Variants in CNTLN observed in about 807,000 individuals in gnomAD.
CNTLN encodes centlein.
In CNTLN, 212 loss-of-function variants were observed where a neutral mutation model predicts 180.0. The ratio of observed to expected loss-of-function variants is 1.18; its 90% confidence interval spans 1.05 to 1.32. CNTLN has a LOEUF of 1.32. Among genes scored for constraint, CNTLN ranks in the 40% most tolerant of loss-of-function variants. The probability of loss-of-function intolerance (pLI) is 0.00; values close to 1 mark genes in which losing one functional copy is unlikely to be tolerated. For synonymous variants in CNTLN, 722 were observed against 563.1 expected (o/e 1.28, Z -3.99); for missense variants, 2,095 against 1,610.9 (o/e 1.30, Z -5.14).
chr9:17,486,994 T>G lies in CNTLN; in HGVS notation c.4047T>G (p.Ile1349Met), dbSNP rs62639687. The G allele has an allele frequency of 9.9e-3, 15,628 of 1,573,570 alleles. 930 individuals are homozygous for G. In the African/African-American group the frequency reaches 0.16, roughly 16 times the overall value. Residue 1349 changes from isoleucine (I) to methionine (M), a missense_variant, in exon 25 of 26, where the codon ATT becomes ATG. Ile to Met is a conservative substitution (Grantham distance 10). Coordinates refer to ENST00000380647, the MANE Select transcript of CNTLN (RefSeq NM_017738.4). ...EILDTEDQVE[I>M]EKTKIDAEND... ...TTTTTATTTTTTTTCTTCAGGAAAT[T>G]GAAAAAACAAAAATTGATGCTGAAA... is the stretch of plus-strand genomic sequence containing the variant.
chr9:17,496,642 C>T (rs1413193934), intron 25 of CNTLN, among the ~76,000 whole-genome samples: 4 of 152,168 alleles, frequency 2.6e-5, no homozygotes, highest in Non-Finnish European at 5.9e-5. Context: ...GCTTTCTTTT[C>T]CTGAACTCGG....
intron 1 of CNTLN, among the ~76,000 whole-genome samples, chr9:17,139,681 T>C (rs190732532): frequency 6.6e-6 from 1 of 151,894 alleles, no homozygotes; most frequent in African/African-American, 2.4e-5. Context: ...AGGAATTTTA[T>C]AGTGAGTAAT....
chr9:17,525,155 A>G, the CNTLN span, among the ~76,000 whole-genome samples: 1 of 152,172 alleles, frequency 6.6e-6, no homozygotes, highest in Admixed American at 6.5e-5. Flanking sequence ...CAGCCAAAAC[A>G]TTACCCAAAC....
chr9:17,324,087 T>A (rs1440187253), intron 8 of CNTLN, among the ~76,000 whole-genome samples: 1 of 152,196 alleles, frequency 6.6e-6, no homozygotes, highest in African/African-American at 2.4e-5. Flanking sequence ...ATAGAGATGA[T>A]AATGTATAAC....
chr9:17,458,875 G>A (rs528684902), intron 19 of CNTLN, among the ~76,000 whole-genome samples: 7 of 151,750 alleles, frequency 4.6e-5, no homozygotes, highest in African/African-American at 1.7e-4. Context: ...GTGCAATTTC[G>A]GGGCATGAAT....
chr9:17,303,884 T>C (rs1434458345), intron 7 of CNTLN, among the ~76,000 whole-genome samples: 1 of 152,198 alleles, frequency 6.6e-6, no homozygotes, highest in African/African-American at 2.4e-5. Flanking sequence ...GAATTAAAAG[T>C]ATTACACTAA....
At chr9:17,465,557 T>A (rs1482491320) in intron 21 of CNTLN, among the ~76,000 whole-genome samples, 1 of 149,884 alleles carries the variant, frequency 6.7e-6, no homozygotes, top group East Asian at 1.9e-4. Flanking sequence ...TATATATATA[T>A]AAAATATCCT....
chr9:17,321,905 C>G (rs1819940338), intron 8 of CNTLN, among the ~76,000 whole-genome samples: 1 of 151,960 alleles, frequency 6.6e-6, no homozygotes, highest in Admixed American at 6.6e-5. Context: ...TCTTACTGTA[C>G]AGGATCAAAA....
At chr9:17,365,248 A>C (rs1320033517) in intron 12 of CNTLN, among the ~76,000 whole-genome samples, 5 of 151,620 alleles carry the variant, frequency 3.3e-5, no homozygotes, top group African/African-American at 1.2e-4. Flanking sequence ...AGTGTGTAGC[A>C]CCTCCCTCTG....
At chr9:17,508,242 A>G (rs1026803789), downstream of CNTLN, among the ~76,000 whole-genome samples, 1 of 152,206 alleles carries the variant, frequency 6.6e-6, no homozygotes, top group East Asian at 1.9e-4. Context: ...TTATTTTTAT[A>G]TGACATTTTA....
At chr9:17,253,879 T>C (rs1011259518) in intron 5 of CNTLN, among the ~76,000 whole-genome samples, 5 of 151,542 alleles carry the variant, frequency 3.3e-5, no homozygotes, top group East Asian at 1.9e-4. Context: ...AGGTCCTTAA[T>C]TTTTCCCCAT....
At chr9:17,412,012 C>T (rs868817384) in intron 16 of CNTLN, among the ~76,000 whole-genome samples, 2 of 152,116 alleles carry the variant, frequency 1.3e-5, no homozygotes, top group Middle Eastern at 6.8e-3. Context: ...TTATACCTAA[C>T]AAGCCCCCAC....
At chr9:17,250,793 C>A (rs1826091891) in intron 5 of CNTLN, among the ~76,000 whole-genome samples, 1 of 151,970 alleles carries the variant, frequency 6.6e-6, no homozygotes, top group African/African-American at 2.4e-5. Context: ...TAATTAGAAG[C>A]CAAATAGGTA....
intron 16 of CNTLN, among the ~76,000 whole-genome samples, chr9:17,409,836 T>C (rs1055747102): frequency 6.6e-6 from 1 of 152,110 alleles, no homozygotes. Flanking sequence ...ATCTCTAAAT[T>C]ACTTATTTCT....
chr9:17,394,927 A>C lies in CNTLN; in HGVS notation c.2473A>C (p.Met825Leu). 1 of 1,614,114 alleles carries C rather than the reference A, an allele frequency of 6.2e-7. No individual in the cohort carries two copies. Among genetic ancestry groups the C allele is most frequent in the Non-Finnish European group, 8.5e-7 (1 of 1,179,974 alleles). Reference protein sequence around the residue: ...RSGRYDCKTTMTKVKFKAAKK... With the variant: ...RSGRYDCKTTLTKVKFKAAKK... ...TGGACGATATGATTGTAAGACAACT[A>C]TGACCAAGGTTAAATTTAAAGCTGC... Residue 825 changes from methionine to leucine, a missense_variant, in exon 15 of 26, where the codon ATG becomes CTG. Transcript: ENST00000380647.
At chr9:17,528,387 G>T in the CNTLN span, among the ~76,000 whole-genome samples, 1 of 152,166 alleles carries the variant, frequency 6.6e-6, no homozygotes, top group African/African-American at 2.4e-5. Flanking sequence ...CATAATCCCA[G>T]CTTGATTATG....
chr9:17,235,394 A>C (rs1825078136), intron 3 of CNTLN, among the ~76,000 whole-genome samples: 1 of 152,094 alleles, frequency 6.6e-6, no homozygotes, highest in Non-Finnish European at 1.5e-5. Context: ...TACACACCTA[A>C]ATTTTGAAAA....
chr9:17,373,948 C>G (rs529026892), intron 13 of CNTLN, among the ~76,000 whole-genome samples: 2 of 152,196 alleles, frequency 1.3e-5, no homozygotes, highest in African/African-American at 4.8e-5. Flanking sequence ...TATGTCTTGC[C>G]ATATACAAAA....
chr9:17,295,225 T>C (rs4424358), intron 6 of CNTLN, among the ~76,000 whole-genome samples: 68,877 of 151,872 alleles, frequency 0.45, 16,400 homozygotes, highest in South Asian at 0.61. Flanking sequence ...CACACCTCCC[T>C]GCAAGCTGAG....
Sources: allele counts gnomAD v4.1 joint callset (sites outside exome capture counted in the v4.1 genomes callset), GRCh38; gene constraint gnomAD v4.1.1; transcripts MANE v1.5; gene names NCBI Gene and HGNC (gene_info 2026-07-23, HGNC 2026-07-21).